SPATA6L: variants seen among roughly 807,000 people sequenced by gnomAD.
SPATA6L encodes spermatogenesis associated 6-like protein.
Under a neutral mutation model 49.2 loss-of-function variants are expected in SPATA6L, and 68 were observed. The observed-to-expected ratio is 1.38, with a 90% CI of 1.14 to 1.69. SPATA6L has a LOEUF of 1.69. Among genes scored for constraint, SPATA6L ranks in the 40% most tolerant of loss-of-function variants. The pLI is 0.00. For synonymous variants in SPATA6L, 198 were observed against 165.7 expected (o/e 1.19, Z -1.50); for missense variants, 668 against 464.3 (o/e 1.44, Z -4.03).
In SPATA6L at chr9:4,610,831, A is replaced by G. The variant is rs1034673475; in HGVS notation, c.996-5391T>C. Among the ~76,000 whole-genome samples, 496 of 152,250 alleles carry G rather than the reference A, an allele frequency of 3.3e-3. 1 individual carries two copies. Among genetic ancestry groups the G allele is most frequent in the African/African-American group, 0.01 (435 of 41,522 alleles). On this transcript the variant is annotated intron_variant, in intron 9 of 11. Transcript: ENST00000682582. ...TTCAACTAAACAGCTTCTGCACAGC[A>G]AAAGAAACTACCATCAGAGTGAACA...
rs559797133 is a variant in SPATA6L, at chr9:4,606,102, A to AC, written c.996-663dup. Among the ~76,000 whole-genome samples, 1,048 of 152,224 alleles carry AC rather than the reference A, an allele frequency of 6.9e-3. 9 individuals are homozygous for AC. Among genetic ancestry groups the AC allele is most frequent in the Non-Finnish European group, 8.3e-3 (567 of 68,022 alleles). On this transcript the variant is annotated intron_variant, in intron 9 of 11. Coordinates refer to ENST00000682582, the MANE Select transcript of SPATA6L (RefSeq NM_001353486.2). ...CCCACCCAAATACTGCGCTTTTCCT[A>AC]CGGGCTTAAAAAATGGCGCACCACC...
chr9:4,662,439 AGCAGCCCCG>A lies in SPATA6L; in HGVS notation c.40-412_40-404del. The A allele has an allele frequency of 5.2e-6, 8 of 1,544,954 alleles. No homozygotes were observed. Among genetic ancestry groups the A allele is most frequent in the Non-Finnish European group, 6.9e-6 (8 of 1,153,980 alleles). On this transcript the variant is annotated intron_variant, in intron 1 of 11. Coordinates refer to ENST00000682582, the MANE Select transcript of SPATA6L (RefSeq NM_001353486.2). This position sits in a 1 kb window ranked among gnomAD's most constrained non-coding sequence, Gnocchi z 4.9. ...GGGCGTCTCCGCTTCGAGCAGCAGC[AGCAGCCCCG>A]GCAGCCCAGCCCATGGCGGCGGTGG...
intron 9 of SPATA6L, among the ~76,000 whole-genome samples, chr9:4,609,401 A>C (rs924635207): frequency 2.6e-5 from 4 of 152,206 alleles, no homozygotes; most frequent in African/African-American, 9.7e-5. Flanking sequence ...TCCCCAAAAA[A>C]TACTGGCAAA....
chr9:4,666,383 C>T lies in SPATA6L; in HGVS notation c.-133G>A. 3 of 893,602 alleles carry T rather than the reference C, an allele frequency of 3.4e-6. No homozygotes were observed. The South Asian group carries it at 4.4e-5, about 13-fold the overall frequency. The allele number at this position is 893,602 out of a possible 1,614,324, so 55.4% of individuals were successfully genotyped here. On this transcript the variant is annotated 5_prime_UTR_variant, in exon 1 of 12. Coordinates refer to ENST00000682582, the MANE Select transcript of SPATA6L (RefSeq NM_001353486.2). ...GCTTCCCCAGTCCCACGCCCTTGTTCCCCTACCGTCCCCCCCAGCCCAGGT... is the reference window on the plus strand; with the variant it reads ...GCTTCCCCAGTCCCACGCCCTTGTTTCCCTACCGTCCCCCCCAGCCCAGGT...
intron 3 of SPATA6L, among the ~76,000 whole-genome samples, chr9:4,642,375 A>G (rs575913759): frequency 6.6e-6 from 1 of 152,348 alleles, no homozygotes; most frequent in East Asian, 1.9e-4. Context: ...GCTGAAAAAC[A>G]TTCAGTGAGA....
At chr9:4,643,109 G>C (rs780674874) in intron 3 of SPATA6L, among the ~76,000 whole-genome samples, 4 of 152,174 alleles carry the variant, frequency 2.6e-5, no homozygotes, top group Non-Finnish European at 5.9e-5. Context: ...CCGGGTTCAA[G>C]CAGTTCTCCT....
intron 3 of SPATA6L, among the ~76,000 whole-genome samples, chr9:4,643,222 G>T (rs1243997577): frequency 6.6e-6 from 1 of 152,136 alleles, no homozygotes; most frequent in African/African-American, 2.4e-5. Context: ...TGGCCAGGTT[G>T]GTCTCAAACT....
Position 4,606,276 on chromosome 9 carries a change from C to G in SPATA6L, c.996-836G>C, listed in dbSNP as rs528153088. On this transcript the variant is annotated intron_variant, in intron 9 of 11. Coordinates refer to ENST00000682582, the MANE Select transcript of SPATA6L (RefSeq NM_001353486.2). Reference sequence around the variant, plus strand: ...GAGGTAAACAAAGCAGCCGGAAGCTCCAACTGGGTGGAGCCCACCACAGCT... The same window carrying G: ...GAGGTAAACAAAGCAGCCGGAAGCTGCAACTGGGTGGAGCCCACCACAGCT... Among the ~76,000 whole-genome samples the G allele has an allele frequency of 2.7e-3, 375 of 140,236 alleles. 9 individuals carry two copies. Among genetic ancestry groups the G allele is most frequent in the South Asian group, 4.5e-3 (19 of 4,194 alleles). The allele number at this position is 140,236 out of a possible 152,430, so 92.0% of individuals were successfully genotyped here. A position where few individuals can be genotyped will look rare whatever the true frequency, so the allele number is the denominator to read the frequency against.
intron 5 of SPATA6L, chr9:4,628,184 T>C: frequency 5.0e-6 from 1 of 199,648 alleles, no homozygotes; most frequent in South Asian, 8.1e-5. Flanking sequence ...AGATCTAGTA[T>C]TTGATAGAAC....
intron 4 of SPATA6L, among the ~76,000 whole-genome samples, chr9:4,632,686 G>C (rs774953841): frequency 5.3e-5 from 8 of 152,056 alleles, no homozygotes; most frequent in Non-Finnish European, 1.0e-4. Flanking sequence ...TACAGCCAGG[G>C]ACATTGGTTA....
chr9:4,609,421 G>A (rs1378763561), intron 9 of SPATA6L, among the ~76,000 whole-genome samples: 1 of 152,196 alleles, frequency 6.6e-6, no homozygotes, highest in African/African-American at 2.4e-5. Context: ...AACGAATCCA[G>A]CAGCACATCA....
chr9:4,629,945 A>T (rs1417645853), intron 4 of SPATA6L, among the ~76,000 whole-genome samples: 2 of 151,962 alleles, frequency 1.3e-5, no homozygotes, highest in Non-Finnish European at 2.9e-5. Context: ...ACTGTGGTGT[A>T]TTTACATAAT....
intron 1 of SPATA6L, chr9:4,663,323 A>G (rs540274905): frequency 2.7e-5 from 42 of 1,530,866 alleles, no homozygotes; most frequent in Non-Finnish European, 3.6e-5. Flanking sequence ...GATGATGTCA[A>G]CCTAAACCAG....
chr9:4,657,233 A>G (rs959278953), intron 2 of SPATA6L, among the ~76,000 whole-genome samples: 1 of 152,194 alleles, frequency 6.6e-6, no homozygotes, highest in Non-Finnish European at 1.5e-5. Context: ...AGTGTCTCAT[A>G]TAATCAATTT....
intron 9 of SPATA6L, among the ~76,000 whole-genome samples, chr9:4,616,559 T>A (rs1310964045): frequency 1.3e-5 from 2 of 152,214 alleles, no homozygotes; most frequent in African/African-American, 4.8e-5. Context: ...TCTGACCACT[T>A]GTCTCTGTGT....
At position 4,626,532 on chromosome 9, in the gene SPATA6L, C is replaced by T. The variant is rs760218708; in HGVS notation, c.430-966G>A. 9 of 1,304,238 alleles carry T rather than the reference C, an allele frequency of 6.9e-6. No homozygotes were observed. In the Admixed American group the frequency reaches 1.6e-4, roughly 23 times the overall value. The allele number at this position is 1,304,238 out of a possible 1,614,324, so 80.8% of individuals were successfully genotyped here. On this transcript the variant is annotated intron_variant, in intron 5 of 11. Transcript: ENST00000682582. ...AGCTTCTGTGTTCTTGCTGAACCAA[C>T]ATCTTCCCTTTGTTTCCCCAGCCCT...
intron 3 of SPATA6L, among the ~76,000 whole-genome samples, chr9:4,644,735 A>G (rs933163905): frequency 1.3e-5 from 2 of 150,898 alleles, no homozygotes; most frequent in African/African-American, 4.9e-5. Context: ...TTCTATGCCA[A>G]CAACCCTAAA....
intron 2 of SPATA6L, 120 bp downstream of exon 2, chr9:4,661,779 G>T: frequency 3.0e-6 from 4 of 1,355,720 alleles, no homozygotes; most frequent in Non-Finnish European, 4.0e-6. Flanking sequence ...GTGCTGAAGT[G>T]CTTTCGGATA....
At position 4,662,478 on chromosome 9, in the gene SPATA6L, G is replaced by C; in HGVS notation, c.40-442C>G. 1.3e-6 allele frequency: 2 copies of C among 1,551,526 alleles called. No homozygotes were observed. The highest frequency in any genetic ancestry group is 1.7e-6 in the Non-Finnish European group (2 of 1,158,306). ...CCCAGCCCATGGCGGCGGTGGCGGC[G>C]GCAGCAGGTTTGAGTTCCAGTCCCT... On this transcript the variant is annotated intron_variant, in intron 1 of 11. Transcript: ENST00000682582. The surrounding 1 kb of genome is among the most constrained non-coding windows in gnomAD (Gnocchi z 4.9).
Sources: allele counts gnomAD v4.1 joint callset (sites outside exome capture counted in the v4.1 genomes callset), GRCh38; gene constraint gnomAD v4.1.1; non-coding constraint Gnocchi (gnomAD v3.1); transcripts MANE v1.5; gene names NCBI Gene and HGNC (gene_info 2026-07-23, HGNC 2026-07-21).